CLIC5: variants seen among roughly 807,000 people sequenced by gnomAD.
The protein encoded by CLIC5 is CLIC family member 5.
CLIC5 carries 20 observed loss-of-function variants against 24.7 expected under a neutral mutation model. The observed-to-expected ratio is 0.81, with a 90% CI of 0.57 to 1.18. CLIC5 has a LOEUF of 1.18. Ranked by LOEUF, CLIC5 falls within the 50% of genes most tolerant of loss-of-function variation. The probability of loss-of-function intolerance (pLI) is 0.00; values close to 1 mark genes in which losing one functional copy is unlikely to be tolerated. For synonymous variants in CLIC5, 159 were observed against 135.6 expected (o/e 1.17, Z -1.20); for missense variants, 341 against 326.1 (o/e 1.05, Z -0.35).
chr6:46,071,460 A>G (rs910641589), intron 1 of CLIC5, among the ~76,000 whole-genome samples: 1 of 152,208 alleles, frequency 6.6e-6, no homozygotes, highest in African/African-American at 2.4e-5. Flanking sequence ...GAAGACATAC[A>G]TGGGGCCAAC....
chr6:45,956,521 A>G (rs1764648544), intron 1 of CLIC5, among the ~76,000 whole-genome samples: 1 of 150,948 alleles, frequency 6.6e-6, no homozygotes, highest in African/African-American at 2.4e-5. Context: ...TGCGTTCTCG[A>G]AGCTCAACAC....
chr6:46,035,457 T>C (rs1406525909), intron 1 of CLIC5, among the ~76,000 whole-genome samples: 1 of 152,216 alleles, frequency 6.6e-6, no homozygotes, highest in Non-Finnish European at 1.5e-5. Context: ...TTTAAACACA[T>C]AACTCTGCCT....
intron 1 of CLIC5, among the ~76,000 whole-genome samples, chr6:46,069,438 G>T (rs1762528632): frequency 6.6e-6 from 1 of 152,086 alleles, no homozygotes; most frequent in Admixed American, 6.6e-5. Context: ...ACACCCCTAT[G>T]CACACAAATG....
intron 1 of CLIC5, among the ~76,000 whole-genome samples, chr6:45,984,580 C>A (rs1184440641): frequency 6.6e-6 from 1 of 152,194 alleles, no homozygotes; most frequent in East Asian, 1.9e-4. Flanking sequence ...AACTTTGAAA[C>A]AACATACAGA....
At chr6:46,056,141 G>A (rs1020896905) in intron 1 of CLIC5, among the ~76,000 whole-genome samples, 2 of 152,148 alleles carry the variant, frequency 1.3e-5, no homozygotes, top group African/African-American at 4.8e-5. Flanking sequence ...GAGGCACAGA[G>A]AAGGAAAGTA....
At chr6:46,016,931 T>C (rs1279127478), upstream of CLIC5, among the ~76,000 whole-genome samples, 1 of 152,252 alleles carries the variant, frequency 6.6e-6, no homozygotes, top group Non-Finnish European at 1.5e-5. Flanking sequence ...CACACTTACT[T>C]ATTCATTCTT....
At chr6:45,995,319 T>C (rs761050892) in intron 1 of CLIC5, among the ~76,000 whole-genome samples, 3 of 152,252 alleles carry the variant, frequency 2.0e-5, no homozygotes, top group African/African-American at 4.8e-5. Flanking sequence ...ATTTAGTCAA[T>C]GTTAGCTGTC....
chr6:45,930,999 G>A (rs529714788), intron 4 of CLIC5, among the ~76,000 whole-genome samples: 2 of 152,298 alleles, frequency 1.3e-5, no homozygotes, highest in African/African-American at 4.8e-5. Context: ...CTGCCCTCAA[G>A]CTAAGTATTG....
chr6:45,960,732 T>C (rs1207472306), intron 1 of CLIC5, among the ~76,000 whole-genome samples: 1 of 152,240 alleles, frequency 6.6e-6, no homozygotes, highest in African/African-American at 2.4e-5. Context: ...CCTGAAGGCC[T>C]TCTTCTCCAC....
At chr6:45,963,262 G>T (rs550196547) in intron 1 of CLIC5, among the ~76,000 whole-genome samples, 37 of 151,916 alleles carry the variant, frequency 2.4e-4, no homozygotes, top group African/African-American at 8.5e-4. Flanking sequence ...TTAAAGCTCA[G>T]CCATCTGCAG....
intron 6 of CLIC5, among the ~76,000 whole-genome samples, chr6:45,887,573 T>TG (rs34679488): frequency 0.033 from 5,021 of 152,270 alleles, 107 homozygotes; most frequent in East Asian, 0.059. Flanking sequence ...GCATAGTTTT[T>TG]GGGGGGACAC....
chr6:45,964,629 G>A (rs966342586), intron 1 of CLIC5, among the ~76,000 whole-genome samples: 2 of 152,180 alleles, frequency 1.3e-5, no homozygotes, highest in African/African-American at 4.8e-5. Flanking sequence ...TCTCAGCAAC[G>A]TTTTCAGATG....
chr6:45,979,208 T>C (rs753504402), intron 1 of CLIC5, among the ~76,000 whole-genome samples: 4 of 152,186 alleles, frequency 2.6e-5, no homozygotes, highest in Non-Finnish European at 4.4e-5. Flanking sequence ...TATCTCACAG[T>C]GCCATGAAGA....
chr6:46,114,502 G>A, the CLIC5 span, among the ~76,000 whole-genome samples: 1 of 152,152 alleles, frequency 6.6e-6, no homozygotes, highest in Non-Finnish European at 1.5e-5. Context: ...CAGGTTAACT[G>A]CAGAGCATAC....
At chr6:46,076,761 T>C (rs1389939960) in intron 1 of CLIC5, among the ~76,000 whole-genome samples, 2 of 152,218 alleles carry the variant, frequency 1.3e-5, no homozygotes, top group African/African-American at 4.8e-5. Context: ...TATCCTGTTT[T>C]ATAGCATTTT....
intron 4 of CLIC5, among the ~76,000 whole-genome samples, chr6:45,915,931 C>T (rs1763014475): frequency 6.6e-6 from 1 of 152,124 alleles, no homozygotes; most frequent in Admixed American, 6.5e-5. Flanking sequence ...TGGTTTAGAG[C>T]CTGACACTGA....
intron 1 of CLIC5, among the ~76,000 whole-genome samples, chr6:45,962,186 GTA>G (rs535435609): frequency 1.3e-5 from 2 of 149,144 alleles, no homozygotes; most frequent in Admixed American, 6.7e-5. Flanking sequence ...ATATGTGTGT[GTA>G]TATATATATA....
chr6:45,894,533 G>GA (rs1167182721), downstream of CLIC5, among the ~76,000 whole-genome samples: 5 of 152,116 alleles, frequency 3.3e-5, no homozygotes, highest in African/African-American at 9.7e-5. Flanking sequence ...ATGTATGCAT[G>GA]AAAAAAATCC....
chr6:46,095,224 G>A, the CLIC5 span, among the ~76,000 whole-genome samples: 3 of 152,178 alleles, frequency 2.0e-5, no homozygotes, highest in African/African-American at 7.2e-5. Context: ...TGCCATAAAG[G>A]TCTCTGAAAT....
Sources: gnomAD v4.1 joint callset for allele counts (sites outside exome capture counted in the v4.1 genomes callset) on GRCh38, gnomAD v4.1.1 for gene constraint, MANE v1.5 for transcripts, NCBI Gene and HGNC (gene_info 2026-07-23, HGNC 2026-07-21) for gene names.